SPON1: variants seen among roughly 807,000 people sequenced by gnomAD.
SPON1 encodes spondin-1.
Under a neutral mutation model 111.7 loss-of-function variants are expected in SPON1, and 52 were observed. The observed-to-expected ratio is 0.47, with a 90% CI of 0.37 to 0.59. The LOEUF (loss-of-function observed/expected upper bound fraction) is 0.59, where lower values mean the gene tolerates loss of function less well. Among genes scored for constraint, SPON1 ranks in the 20% least tolerant of loss-of-function variants. The probability of loss-of-function intolerance (pLI) is 0.00; values close to 1 mark genes in which losing one functional copy is unlikely to be tolerated. For synonymous variants in SPON1, 410 were observed against 395.8 expected, an observed-to-expected ratio of 1.04 and a Z score of -0.43; for missense variants, 957 against 1,068.5, an observed-to-expected ratio of 0.90 and a Z score of 1.46.
chr11:14,201,025 C>G (rs559576446), intron 6 of SPON1, among the ~76,000 whole-genome samples: 49 of 151,948 alleles, frequency 3.2e-4, no homozygotes, highest in Middle Eastern at 3.4e-3. Flanking sequence ...GTTTCCATAT[C>G]TGTAAAATAG....
chr11:14,001,289 C>T (rs1429634118), intron 2 of SPON1, among the ~76,000 whole-genome samples: 6 of 152,196 alleles, frequency 3.9e-5, no homozygotes, highest in African/African-American at 1.4e-4. Flanking sequence ...GGGACTCCCA[C>T]ACTTTTGTGA....
chr11:14,039,474 C>G (rs1554917045), intron 2 of SPON1, among the ~76,000 whole-genome samples: 4 of 151,972 alleles, frequency 2.6e-5, no homozygotes, highest in African/African-American at 9.7e-5. Context: ...TGGGATAACC[C>G]TGTACTTTCC....
chr11:14,150,209 A>G (rs1554929764), intron 6 of SPON1, among the ~76,000 whole-genome samples: 1 of 152,200 alleles, frequency 6.6e-6, no homozygotes. Flanking sequence ...TTAAGTGATA[A>G]TAAGCCAGGC....
At chr11:14,109,734 T>C (rs1849213392) in intron 5 of SPON1, among the ~76,000 whole-genome samples, 1 of 152,206 alleles carries the variant, frequency 6.6e-6, no homozygotes, top group Admixed American at 6.5e-5. Flanking sequence ...TACCCTTTGT[T>C]CATTTCATTC....
At chr11:14,198,950 A>G (rs1399233987) in intron 6 of SPON1, among the ~76,000 whole-genome samples, 1 of 152,228 alleles carries the variant, frequency 6.6e-6, no homozygotes, top group Non-Finnish European at 1.5e-5. Context: ...ATGACCAGAG[A>G]TAAATCTAGC....
chr11:13,964,857 C>CA (rs1554907886), intron 1 of SPON1, among the ~76,000 whole-genome samples: 1 of 152,176 alleles, frequency 6.6e-6, no homozygotes, highest in East Asian at 1.9e-4. Flanking sequence ...CCTGAGTTCA[C>CA]AGGGGAAACT....
chr11:14,212,185 A>G (rs1463212958), intron 6 of SPON1, among the ~76,000 whole-genome samples: 7 of 151,846 alleles, frequency 4.6e-5, no homozygotes, highest in Non-Finnish European at 1.0e-4. Flanking sequence ...GAATAATTAG[A>G]TGGAGTCCGG....
Position 14,131,748 on chromosome 11 carries a change from A to G in SPON1, c.677-3672A>G, listed in dbSNP as rs552692996. On this transcript the variant is annotated intron_variant, in intron 5 of 15. Coordinates refer to ENST00000576479, the MANE Select transcript of SPON1 (RefSeq NM_006108.4). ...TTGAATGACTGGTTTGTGGTTATAAATGGGGCCTGGAGCCAGAGTCTTCTG... is the reference window on the plus strand; with the variant it reads ...TTGAATGACTGGTTTGTGGTTATAAGTGGGGCCTGGAGCCAGAGTCTTCTG... 3.3e-5 allele frequency among the ~76,000 whole-genome samples: 5 copies of G among 152,260 alleles called. No individual in the cohort carries two copies. The South Asian group carries it at 1.0e-3, about 32-fold the overall frequency.
chr11:14,243,650 T>G (rs544982806), intron 7 of SPON1, among the ~76,000 whole-genome samples: 4 of 152,178 alleles, frequency 2.6e-5, no homozygotes, highest in Admixed American at 2.6e-4. Context: ...CCAACTCAGA[T>G]GGGATGATTA....
At chr11:14,174,837 A>G (rs578240146) in intron 6 of SPON1, among the ~76,000 whole-genome samples, 1 of 152,188 alleles carries the variant, frequency 6.6e-6, no homozygotes, top group East Asian at 1.9e-4. Context: ...CTCTCTAAAA[A>G]AGAAATCCTT....
At chr11:13,972,500 G>A (rs1176164812) in intron 1 of SPON1, among the ~76,000 whole-genome samples, 1 of 152,226 alleles carries the variant, frequency 6.6e-6, no homozygotes, top group Non-Finnish European at 1.5e-5. Context: ...ATTATGCACA[G>A]TGTTGATAAG....
chr11:14,214,672 A>G (rs185062491), intron 6 of SPON1, among the ~76,000 whole-genome samples: 1 of 152,298 alleles, frequency 6.6e-6, no homozygotes, highest in African/African-American at 2.4e-5. Flanking sequence ...GGCTAGAAAA[A>G]TGGGAGGCTG....
At chr11:14,005,078 A>T (rs1848348811) in intron 2 of SPON1, among the ~76,000 whole-genome samples, 1 of 152,100 alleles carries the variant, frequency 6.6e-6, no homozygotes, top group African/African-American at 2.4e-5. Flanking sequence ...TTTTAGTTTC[A>T]TGTAGTTCCA....
intron 6 of SPON1, among the ~76,000 whole-genome samples, chr11:14,190,719 C>A (rs1848337697): frequency 6.6e-6 from 1 of 150,858 alleles, no homozygotes; most frequent in Non-Finnish European, 1.5e-5. Context: ...CGGCTCACTG[C>A]AACCTCCACC....
chr11:14,015,628 T>G (rs1848438999), intron 2 of SPON1, among the ~76,000 whole-genome samples: 1 of 152,242 alleles, frequency 6.6e-6, no homozygotes, highest in African/African-American at 2.4e-5. Flanking sequence ...AATTTCTGAA[T>G]TGATATGTCA....
chr11:14,182,640 A>G (rs1444214895), intron 6 of SPON1, among the ~76,000 whole-genome samples: 29 of 152,182 alleles, frequency 1.9e-4, no homozygotes, highest in Admixed American at 1.9e-3. Context: ...AATGGGAGCT[A>G]AAATCGAGTC....
chr11:14,245,098 G>A lies in SPON1; in HGVS notation c.890+1702G>A, dbSNP rs527893050. 3.9e-5 allele frequency among the ~76,000 whole-genome samples: 6 copies of A among 152,304 alleles called. No individual in the cohort carries two copies. In the East Asian group the frequency reaches 7.7e-4, roughly 20 times the overall value. The stretch of plus-strand genomic sequence containing the variant: ...AAGACAGCAACAATGTGAGGAATGT[G>A]TGAGATGCTGCTCAGTGGGAGAAAA... On this transcript the variant is annotated intron_variant, in intron 7 of 15. Transcript: ENST00000576479.
intron 11 of SPON1, 26 bp downstream of exon 11, chr11:14,257,924 G>C: frequency 6.7e-7 from 1 of 1,500,248 alleles, no homozygotes; most frequent in Non-Finnish European, 8.9e-7. Flanking sequence ...AGACCAGCCA[G>C]GGGCTGGCAG....
rs545737081 is a variant in SPON1, at chr11:13,987,679, T to C, written c.345+4726T>C. 2.0e-5 allele frequency among the ~76,000 whole-genome samples: 3 copies of C among 152,368 alleles called. 1 individual carries two copies. The South Asian group carries it at 6.2e-4, about 32-fold the overall frequency. The stretch of plus-strand genomic sequence containing the variant: ...AGGTTTTCTTCTAGGATTTTCATGG[T>C]CCTAGGTCTTACATTTAAGTTTCTG... On this transcript the variant is annotated intron_variant, in intron 2 of 15. Coordinates refer to ENST00000576479, the MANE Select transcript of SPON1 (RefSeq NM_006108.4).
Sources: allele counts gnomAD v4.1 joint callset (sites outside exome capture counted in the v4.1 genomes callset), GRCh38; gene constraint gnomAD v4.1.1; transcripts MANE v1.5; gene names NCBI Gene and HGNC (gene_info 2026-07-23, HGNC 2026-07-21).